The following PLCB3 variants were observed in gnomAD, a reference collection of about 807,000 sequenced individuals.
PLCB3 encodes phospholipase C beta 3.
Under a neutral mutation model 152.1 loss-of-function variants are expected in PLCB3, and 54 were observed. The observed-to-expected ratio is 0.36, with a 90% confidence interval of 0.29 to 0.45. PLCB3 has a LOEUF of 0.45. Ranked by LOEUF, PLCB3 falls within the 20% of genes least tolerant of loss-of-function variation. PLCB3 has a pLI of 1.00. For missense variants in PLCB3, 1,248 were observed against 1,687.5 expected (o/e 0.74, Z 4.56); for synonymous variants, 717 against 698.7 (o/e 1.03, Z -0.41).
chr11:64,267,216 G>A lies in PLCB3; in HGVS notation c.3446G>A (p.Arg1149His), dbSNP rs1330190396. The change falls in exon 30 of 31, where the codon CGT (arginine) becomes CAT (histidine). Residue 1149 changes from arginine to histidine, a missense_variant. Arg to His is a conservative substitution (Grantham distance 29, BLOSUM62 0). Transcript: ENST00000279230. This position sits in a 1 kb window ranked among gnomAD's most constrained non-coding sequence, Gnocchi z 5.2. ...GAGGCCCAGAAGCAGCGGCATGACC[G>A]TCTTGTGGCTGGGCAGCAGCAGGTC... ...LEEAQKQRHD[R>H]LVAGQQQVLQ... 31 of 1,550,540 alleles carry A rather than the reference G, an allele frequency of 2.0e-5. No homozygotes were observed. The highest frequency in any genetic ancestry group is 3.6e-5 in the South Asian group (3 of 84,038).
Position 64,262,796 on chromosome 11 carries a change from C to T in PLCB3, c.2343C>T (p.Phe781=), listed in dbSNP as rs753885586. The change falls in exon 19 of 31, where the codon TTC becomes TTT. Residue 781 remains phenylalanine, a synonymous_variant. Transcript: ENST00000279230. The part of the protein sequence containing the change: ...SFNPVWDEEP[F]DFPKVVLPTL... ...ACCCCGTGTGGGACGAAGAGCCCTTCGACTTCCCCAAGGTGAGCCTGGCCC... is the reference window on the plus strand; with the variant it reads ...ACCCCGTGTGGGACGAAGAGCCCTTTGACTTCCCCAAGGTGAGCCTGGCCC... The T allele has an allele frequency of 1.1e-5, 18 of 1,613,428 alleles. No homozygotes were observed. Among genetic ancestry groups the T allele is most frequent in the East Asian group, 2.2e-5 (1 of 44,880 alleles).
rs779223256 is a variant in PLCB3 at position 64,267,445 on chromosome 11, G to A, written c.3594G>A (p.Gly1198=). 1.9e-6 allele frequency: 3 copies of A among 1,552,530 alleles called. No individual in the cohort carries two copies. Among genetic ancestry groups the A allele is most frequent in the South Asian group, 1.2e-5 (1 of 84,596 alleles). Residue 1198 remains glycine, a synonymous_variant, in exon 31 of 31, where the codon GGG becomes GGA. Coordinates refer to ENST00000279230, the MANE Select transcript of PLCB3 (RefSeq NM_000932.5). This position sits in a 1 kb window ranked among gnomAD's most constrained non-coding sequence, Gnocchi z 5.2. ...RRSLLGEMPE[G]LGDGPLVACA... ...GCCTGCTGGGCGAGATGCCGGAGGG[G>A]CTGGGGGACGGGCCTCTGGTGGCCT...
chr11:64,264,124 C>A lies in PLCB3; in HGVS notation c.2652+12C>A, dbSNP rs747471681. The A allele has an allele frequency of 4.0e-6, 6 of 1,511,036 alleles. No individual in the cohort carries two copies. In the African/African-American group the frequency reaches 8.4e-5, roughly 21 times the overall value. The allele number at this position is 1,511,036 out of a possible 1,614,324, so 93.6% of individuals were successfully genotyped here. A position where few individuals can be genotyped will look rare whatever the true frequency, so the allele number is the denominator to read the frequency against. On this transcript the variant is annotated intron_variant, in intron 22 of 30. Transcript: ENST00000279230. ...TTGGGGAGAGTGAGGTGAGCCGGGGCAGGGCAGGGCTCAGGCTCACTGTGA... is the reference window on the plus strand; with the variant it reads ...TTGGGGAGAGTGAGGTGAGCCGGGGAAGGGCAGGGCTCAGGCTCACTGTGA...
chr11:64,253,337 C>G (rs1387876087), intron 1 of PLCB3, among the ~76,000 whole-genome samples: 2 of 152,206 alleles, frequency 1.3e-5, no homozygotes, highest in Admixed American at 1.3e-4. Flanking sequence ...ACTCAGTGTC[C>G]TCATCTGTAA....
chr11:64,262,343 A>G, intron 17 of PLCB3, 64 bp from the exon 18 acceptor site: 12 of 1,577,352 alleles, frequency 7.6e-6, no homozygotes, highest in Non-Finnish European at 1.0e-5. Context: ...ATGATCTCCC[A>G]TTCCCCACAT....
downstream of PLCB3, chr11:64,268,465 C>G (rs1006802839): frequency 6.6e-6 from 1 of 152,286 alleles, no homozygotes; most frequent in Non-Finnish European, 1.5e-5. Flanking sequence ...CCCAGCATCC[C>G]CTCATCCCTG....
Position 64,266,564 on chromosome 11 carries a change from T to A in PLCB3, c.3414+12T>A. 1 of 1,612,808 alleles carries A rather than the reference T, an allele frequency of 6.2e-7. No individual in the cohort carries two copies. The highest frequency in any genetic ancestry group is 1.7e-5 in the Admixed American group (1 of 59,978). On this transcript the variant is annotated intron_variant, in intron 29 of 30. Transcript: ENST00000279230. The surrounding 1 kb of genome is among the most constrained non-coding windows in gnomAD (Gnocchi z 4.9). ...ACTCCATCCGTCGGGTGAGTCAGGC[T>A]CCCGGGCCACCCTACCCCACCTCCC...
chr11:64,259,222 C>T lies in PLCB3; in HGVS notation c.1503C>T (p.Thr501=), dbSNP rs368651259. Residue 501 remains threonine, a synonymous_variant, in exon 13 of 31, where the codon ACC becomes ACT. Coordinates refer to ENST00000279230, the MANE Select transcript of PLCB3 (RefSeq NM_000932.5). ...NSALSESSAA[T]EPSSPQLGSP... ...CCCTGAGCGAGAGCTCCGCGGCCAC[C>T]GAGCCCTCCTCCCCGCAGCTGGGTA... The T allele has an allele frequency of 3.9e-5, 60 of 1,551,716 alleles. No individual in the cohort carries two copies. The highest frequency in any genetic ancestry group is 2.0e-4 in the Admixed American group (11 of 53,790).
Position 64,260,245 on chromosome 11 carries a change from C to A in PLCB3, c.1731+11C>A, listed in dbSNP as rs2031779725. The A allele has an allele frequency of 1.3e-6, 2 of 1,544,602 alleles. No homozygotes were observed. Among genetic ancestry groups the A allele is most frequent in the Non-Finnish European group, 1.7e-6 (2 of 1,143,300 alleles). ...CCAACTACAGATGAGGTCAGGCCCA[C>A]AGGGTGGGCAGGTCGGGGAGGTAGC... On this transcript the variant is annotated intron_variant, in intron 14 of 30. Coordinates refer to ENST00000279230, the MANE Select transcript of PLCB3 (RefSeq NM_000932.5).
Position 64,261,442 on chromosome 11 carries a change from A to G in PLCB3, c.1774A>G (p.Thr592Ala). Residue 592 changes from threonine (T) to alanine (A), a missense_variant, in exon 15 of 31, where the codon ACG becomes GCG. Transcript: ENST00000279230. The stretch of plus-strand genomic sequence containing the variant: ...GGTGAATGCCACTGAGGAGATGTCC[A>G]CGCTTGTCAACTACATCGAACCTGT... The part of the protein sequence containing the change: ...SEVNATEEMS[T>A]LVNYIEPVKF... 1 of 1,614,156 alleles carries G rather than the reference A, an allele frequency of 6.2e-7. No homozygotes were observed. Among genetic ancestry groups the G allele is most frequent in the Non-Finnish European group, 8.5e-7 (1 of 1,180,006 alleles).
intron 3 of PLCB3, 34 bp from the exon 4 acceptor site, chr11:64,254,864 G>T (rs775846731): frequency 1.2e-6 from 2 of 1,613,432 alleles, no homozygotes; most frequent in African/African-American, 1.3e-5. Context: ...CTGTGCGGGA[G>T]CCCCCTCTTC....
intron 13 of PLCB3, 67 bp from the exon 14 acceptor site, chr11:64,259,962 A>C: frequency 7.3e-7 from 1 of 1,365,672 alleles, no homozygotes; most frequent in Non-Finnish European, 1.0e-6. Context: ...ACTGGGAAAA[A>C]CCCCTCCAGA....
downstream of PLCB3, among the ~76,000 whole-genome samples, chr11:64,268,251 C>T (rs889677359): frequency 8.5e-5 from 13 of 152,188 alleles, no homozygotes; most frequent in African/African-American, 3.1e-4. Flanking sequence ...ACCCAAACGC[C>T]TAGTATCTTC....
chr11:64,255,715 C>T lies in PLCB3; in HGVS notation c.598-6C>T. 1 of 1,613,280 alleles carries T rather than the reference C, an allele frequency of 6.2e-7. No homozygotes were observed. On this transcript the variant is annotated splice_polypyrimidine_tract_variant and splice_region_variant and intron_variant, in intron 7 of 30. Transcript: ENST00000279230. The surrounding 1 kb of genome is among the most constrained non-coding windows in gnomAD (Gnocchi z 6.8). The stretch of plus-strand genomic sequence containing the variant: ...GGCTTCTCACCCCACACTCCTCGAC[C>T]TCCAGAGTGAGTCCATCCGGCCTGA...
In PLCB3 at chr11:64,251,535, GGCGGGCGGGCGGGCACTGACGCC is replaced by G; in HGVS notation, c.-109_-87del. On this transcript the variant is annotated 5_prime_UTR_variant, in exon 1 of 31. Coordinates refer to ENST00000279230, the MANE Select transcript of PLCB3 (RefSeq NM_000932.5). The stretch of plus-strand genomic sequence containing the variant: ...GGCTCTGGTCGGTCCGGGACAGACT[GGCGGGCGGGCGGGCACTGACGCC>G]GCGGGGCCGGAGCGGGCCGCGCGGT... 5.3e-6 allele frequency: 1 copy of G among 189,740 alleles called. No homozygotes were observed. 11.8% of individuals were successfully genotyped at this position (189,740 alleles called of 1,614,324 possible).
intron 21 of PLCB3, 30 bp downstream of exon 21, chr11:64,263,825 G>T: frequency 6.3e-7 from 1 of 1,576,302 alleles, no homozygotes; most frequent in Non-Finnish European, 8.7e-7. Context: ...GGCCTGCCTG[G>T]CCAGGGAGTG....
intron 16 of PLCB3, 59 bp downstream of exon 16, chr11:64,261,724 C>T (rs1453743287): frequency 2.4e-5 from 37 of 1,519,546 alleles, no homozygotes; most frequent in Non-Finnish European, 3.4e-5. Flanking sequence ...GAGGCCGGCT[C>T]CGGTGTTCTG....
In PLCB3 at chr11:64,262,577, G is replaced by T. The variant is rs780652337; in HGVS notation, c.2193+16G>T. 6.2e-7 allele frequency: 1 copy of T among 1,612,774 alleles called. No individual in the cohort carries two copies. The highest frequency in any genetic ancestry group is 2.2e-5 in the East Asian group (1 of 44,856). ...GCGGGTCAAGGTGGGGCTTGCGGGC[G>T]GCTCAGGCCAGGGGTGTCCTGGGGG... is the stretch of plus-strand genomic sequence containing the variant. On this transcript the variant is annotated intron_variant, in intron 18 of 30. Coordinates refer to ENST00000279230, the MANE Select transcript of PLCB3 (RefSeq NM_000932.5).
Position 64,265,942 on chromosome 11 carries a change from A to G in PLCB3, c.3092A>G (p.Tyr1031Cys). 1.2e-6 allele frequency: 2 copies of G among 1,613,854 alleles called. No individual in the cohort carries two copies. The highest frequency in any genetic ancestry group is 1.7e-6 in the Non-Finnish European group (2 of 1,180,014). The change falls in exon 26 of 31, where the codon TAT (tyrosine) becomes TGT (cysteine). Residue 1031 changes from tyrosine to cysteine, a missense_variant. Around this residue, in one of 6 missense-constraint regions of PLCB3, gnomAD observed 477 missense variants for 489.6 expected, o/e 0.97. Coordinates refer to ENST00000279230, the MANE Select transcript of PLCB3 (RefSeq NM_000932.5). ...GAGGGGGAGGACGAGGCAAAGCGGTATCAGGAGTTCCAGAACAGACAGGTG... is the reference window on the plus strand; with the variant it reads ...GAGGGGGAGGACGAGGCAAAGCGGTGTCAGGAGTTCCAGAACAGACAGGTG... Reference protein sequence around the residue: ...TKEGEDEAKRYQEFQNRQVQS... With the variant: ...TKEGEDEAKRCQEFQNRQVQS...
Sources: gnomAD v4.1 joint callset for allele counts (sites outside exome capture counted in the v4.1 genomes callset) on GRCh38, gnomAD v4.1.1 for gene constraint, gnomAD v4.1.1 regional missense constraint, Gnocchi (gnomAD v3.1) non-coding constraint, MANE v1.5 for transcripts, NCBI Gene and HGNC (gene_info 2026-07-23, HGNC 2026-07-21) for gene names.